The following SLC39A3 variants were observed in gnomAD, a reference collection of about 807,000 sequenced individuals.
SLC39A3 encodes the protein zinc transporter ZIP3.
SLC39A3 carries 3 observed loss-of-function variants against 5.1 expected under a neutral mutation model. That is an observed-to-expected ratio of 0.59 (90% confidence interval 0.27 to 1.54). SLC39A3 has a LOEUF of 1.54. SLC39A3 is among the 40% of genes most tolerant of loss of function. The pLI is 0.12. For missense variants in SLC39A3, 412 were observed against 436.4 expected, an observed-to-expected ratio of 0.94 and a Z score of 0.50; for synonymous variants, 250 against 218.8, an observed-to-expected ratio of 1.14 and a Z score of -1.26.
chr19:2,733,237 G>C lies in SLC39A3; in HGVS notation c.459C>G (p.His153Gln). The C allele has an allele frequency of 6.2e-7, 1 of 1,608,560 alleles. No homozygotes were observed. The change falls in exon 3 of 3, where the codon CAC (histidine) becomes CAG (glutamine). Residue 153 changes from histidine to glutamine, a missense_variant. Transcript: ENST00000269740. This position sits in a 1 kb window ranked among gnomAD's most constrained non-coding sequence, Gnocchi z 6.1. ...GGCCCTGCACGCTCAGGCTGGGGCC[G>C]TGGCCGTGGGGCTCCACGTACAGCG... is the stretch of plus-strand genomic sequence containing the variant. ...GHALYVEPHG[H>Q]GPSLSVQGLS...
In SLC39A3 at chr19:2,737,102, T is replaced by A. The variant is rs1914393948; in HGVS notation, c.156A>T (p.Gly52=). The A allele has an allele frequency of 6.2e-7, 1 of 1,614,066 alleles. No homozygotes were observed. Among genetic ancestry groups the A allele is most frequent in the African/African-American group, 1.3e-5 (1 of 75,004 alleles). The change falls in exon 2 of 3, where the codon GGA becomes GGT. Residue 52 remains glycine, a synonymous_variant. Coordinates refer to ENST00000269740, the MANE Select transcript of SLC39A3 (RefSeq NM_144564.5). ...TGAAGCACGTGGCCAGAAACACCCC[T>A]CCTCCAAAGGTGTTGCAGAGAGAGA... ...KILSLCNTFG[G]GVFLATCFNA...
chr19:2,734,922 G>A lies in SLC39A3; in HGVS notation c.211-1437C>T, dbSNP rs1914313278. On this transcript the variant is annotated intron_variant, in intron 2 of 2. Transcript: ENST00000269740. This position sits in a 1 kb window ranked among gnomAD's most constrained non-coding sequence, Gnocchi z 4.6. ...GAGATGAGGCAGATGCACGGGAGCT[G>A]TGAACCAGGCACCATTTTCCAGGGG... 1.0e-6 allele frequency: 1 copy of A among 985,532 alleles called. No homozygotes were observed. The highest frequency in any genetic ancestry group is 1.2e-6 in the Non-Finnish European group (1 of 829,994). The allele number at this position is 985,532 out of a possible 1,614,324, so 61.0% of individuals were successfully genotyped here.
chr19:2,733,448 T>A lies in SLC39A3; in HGVS notation c.248A>T (p.Asp83Val). ...KVLSLGHIST[D>V]YPLAETILLL... ...GAGGATGGTTTCGGCCAGCGGGTAG[T>A]CGGTGCTGATGTGGCCGAGGCTCAG... Residue 83 changes from aspartate to valine, a missense_variant, in exon 3 of 3, where the codon GAC becomes GTC. Asp to Val is a radical substitution (Grantham distance 152, BLOSUM62 -3). Transcript: ENST00000269740. This position sits in a 1 kb window ranked among gnomAD's most constrained non-coding sequence, Gnocchi z 6.1. 6.2e-7 allele frequency: 1 copy of A among 1,612,704 alleles called. No individual in the cohort carries two copies. The highest frequency in any genetic ancestry group is 1.1e-5 in the South Asian group (1 of 91,064).
rs1914275588 is a variant in SLC39A3, at chr19:2,733,932, C to G, written c.211-447G>C. ...CTCCAGCCTGGGCGACAGAGGGAGA[C>G]TCCGGCTCAAAATAAACACATAAAG... On this transcript the variant is annotated intron_variant, in intron 2 of 2. Coordinates refer to ENST00000269740, the MANE Select transcript of SLC39A3 (RefSeq NM_144564.5). This position sits in a 1 kb window ranked among gnomAD's most constrained non-coding sequence, Gnocchi z 6.1. Among the ~76,000 whole-genome samples the G allele has an allele frequency of 6.6e-6, 1 of 152,178 alleles. No individual in the cohort carries two copies. Among genetic ancestry groups the G allele is most frequent in the Non-Finnish European group, 1.5e-5 (1 of 68,028 alleles).
chr19:2,732,766 G>A lies in SLC39A3; in HGVS notation c.930C>T (p.Val310=), dbSNP rs920086293. The A allele has an allele frequency of 1.7e-5, 26 of 1,568,800 alleles. No homozygotes were observed. The highest frequency in any genetic ancestry group is 2.2e-5 in the Non-Finnish European group (25 of 1,155,260). ...VLGYTVLAGM[V]FLKW ...GCGAGGCCGCTCACCACTTGAGGAAGACCATCCCGGCCAGGACGGTGTAGC... is the reference window on the plus strand; with the variant it reads ...GCGAGGCCGCTCACCACTTGAGGAAAACCATCCCGGCCAGGACGGTGTAGC... The change falls in exon 3 of 3, where the codon GTC becomes GTT. Residue 310 remains valine (V), a synonymous_variant. Coordinates refer to ENST00000269740, the MANE Select transcript of SLC39A3 (RefSeq NM_144564.5).
rs768981337 is a variant in SLC39A3, at chr19:2,737,071, GAGCGTTGA to G, written c.179_186del (p.Phe60SerfsTer72). On this transcript the variant is annotated frameshift_variant, in exon 2 of 3. Coordinates refer to ENST00000269740, the MANE Select transcript of SLC39A3 (RefSeq NM_144564.5). LOFTEE classifies it low-confidence loss of function (END_TRUNC). ...ACCTTTTCCCTCACAGCGGGCAGCA[GAGCGTTGA>G]AGCACGTGGCCAGAAACACCCCTCC... is the stretch of plus-strand genomic sequence containing the variant. The G allele has an allele frequency of 6.2e-7, 1 of 1,614,178 alleles. No homozygotes were observed. Among genetic ancestry groups the G allele is most frequent in the African/African-American group, 1.3e-5 (1 of 75,038 alleles).
Position 2,734,161 on chromosome 19 carries a change from G to A in SLC39A3, c.211-676C>T, listed in dbSNP as rs568258752. 6.6e-6 allele frequency among the ~76,000 whole-genome samples: 1 copy of A among 152,358 alleles called. No homozygotes were observed. Among genetic ancestry groups the A allele is most frequent in the African/African-American group, 2.4e-5 (1 of 41,578 alleles). On this transcript the variant is annotated intron_variant, in intron 2 of 2. Coordinates refer to ENST00000269740, the MANE Select transcript of SLC39A3 (RefSeq NM_144564.5). This position sits in a 1 kb window ranked among gnomAD's most constrained non-coding sequence, Gnocchi z 4.6. ...TATGGGAGGGACAGCTGCTCACGGG[G>A]CGGACACGCAGGCATTAGGCTATGC... is the stretch of plus-strand genomic sequence containing the variant.
Position 2,737,048 on chromosome 19 carries a change from C to CT in SLC39A3, c.209dup (p.Leu71AlafsTer64). ...CTGCTAGTGCCCAGGGAGCCCTTACCTTTTCCCTCACAGCGGGCAGCAGAG... is the reference window on the plus strand; with the variant it reads ...CTGCTAGTGCCCAGGGAGCCCTTACCTTTTTCCCTCACAGCGGGCAGCAGAG... On this transcript the variant is annotated frameshift_variant and splice_region_variant, in exon 2 of 3. Coordinates refer to ENST00000269740, the MANE Select transcript of SLC39A3 (RefSeq NM_144564.5). LOFTEE classifies it low-confidence loss of function (END_TRUNC). 6 of 1,614,144 alleles carry CT rather than the reference C, an allele frequency of 3.7e-6. No homozygotes were observed. Among genetic ancestry groups the CT allele is most frequent in the Non-Finnish European group, 5.1e-6 (6 of 1,180,016 alleles).
In SLC39A3 at chr19:2,732,723, C is replaced by G. The variant is rs769190196; in HGVS notation, c.*28G>C. ...TCCGGCCCGGGGCTCCCGGCGGGCT[C>G]CGGCGGCAGGGACAATGGCGAGGCC... On this transcript the variant is annotated 3_prime_UTR_variant, in exon 3 of 3. Transcript: ENST00000269740. 4 of 1,513,704 alleles carry G rather than the reference C, an allele frequency of 2.6e-6. No homozygotes were observed. The Admixed American group carries it at 8.9e-5, about 34-fold the overall frequency. The allele number at this position is 1,513,704 out of a possible 1,614,324, so 93.8% of individuals were successfully genotyped here.
intron 1 of SLC39A3, chr19:2,739,447 T>G (rs995120030): frequency 6.6e-6 from 1 of 152,252 alleles, no homozygotes; most frequent in African/African-American, 2.4e-5. Flanking sequence ...CATTCAGGTC[T>G]TCGGGTCACT....
Position 2,735,758 on chromosome 19 carries a change from G to A in SLC39A3, c.210+1290C>T. 2.4e-6 allele frequency: 2 copies of A among 823,888 alleles called. No individual in the cohort carries two copies. Among genetic ancestry groups the A allele is most frequent in the Non-Finnish European group, 2.9e-6 (2 of 683,000 alleles). 51.0% of individuals were successfully genotyped at this position (823,888 alleles called of 1,614,324 possible). A position where few individuals can be genotyped will look rare whatever the true frequency, so the allele number is the denominator to read the frequency against. ...GTCCCAGCCCTACCCACACTCGAGG[G>A]GAGGGAAGAGCATGGGGCGTGCGGA... On this transcript the variant is annotated intron_variant, in intron 2 of 2. Transcript: ENST00000269740. This position sits in a 1 kb window ranked among gnomAD's most constrained non-coding sequence, Gnocchi z 5.7.
At chr19:2,736,053 C>T in intron 2 of SLC39A3, 1 of 985,534 alleles carries the variant, frequency 1.0e-6, no homozygotes, top group Non-Finnish European at 1.2e-6. Flanking sequence ...AAGCCACTCA[C>T]CCAGGGTCAC....
At position 2,738,109 on chromosome 19, in the gene SLC39A3, G is replaced by T. The variant is rs540951211; in HGVS notation, c.-122-730C>A. ...AGCTACTCTGGAGGCTGAGGCAAGA[G>T]AATCGCTTGAACCCAGGAGGCAGAG... On this transcript the variant is annotated intron_variant, in intron 1 of 2. Coordinates refer to ENST00000269740, the MANE Select transcript of SLC39A3 (RefSeq NM_144564.5). Among the ~76,000 whole-genome samples, 20 of 140,202 alleles carry T rather than the reference G, an allele frequency of 1.4e-4. No individual in the cohort carries two copies. In the East Asian group the frequency reaches 1.6e-3, roughly 11 times the overall value. 92.0% of individuals were successfully genotyped at this position (140,202 alleles called of 152,430 possible). A position where few individuals can be genotyped will look rare whatever the true frequency, so the allele number is the denominator to read the frequency against.
Position 2,733,563 on chromosome 19 carries a change from C to G in SLC39A3, c.211-78G>C, listed in dbSNP as rs1394779791. 1.4e-5 allele frequency: 21 copies of G among 1,507,270 alleles called. No homozygotes were observed. Among genetic ancestry groups the G allele is most frequent in the Middle Eastern group, 2.3e-4 (1 of 4,410 alleles). The allele number at this position is 1,507,270 out of a possible 1,614,324, so 93.4% of individuals were successfully genotyped here. ...GGCGACAGGGCTGGCCAGATGTCAC[C>G]GTTCAAAGCAAAGTCCAGAAATCCC... On this transcript the variant is annotated intron_variant, in intron 2 of 2. Transcript: ENST00000269740. This position sits in a 1 kb window ranked among gnomAD's most constrained non-coding sequence, Gnocchi z 6.1.
In SLC39A3 at chr19:2,737,040, G is replaced by T; in HGVS notation, c.210+8C>A. The T allele has an allele frequency of 6.2e-7, 1 of 1,614,072 alleles. No individual in the cohort carries two copies. Among genetic ancestry groups the T allele is most frequent in the Non-Finnish European group, 8.5e-7 (1 of 1,179,978 alleles). On this transcript the variant is annotated splice_region_variant and intron_variant, in intron 2 of 2. Coordinates refer to ENST00000269740, the MANE Select transcript of SLC39A3 (RefSeq NM_144564.5). Reference sequence around the variant, plus strand: ...AAGGGCTGCTGCTAGTGCCCAGGGAGCCCTTACCTTTTCCCTCACAGCGGG... The same window carrying T: ...AAGGGCTGCTGCTAGTGCCCAGGGATCCCTTACCTTTTCCCTCACAGCGGG...
chr19:2,735,857 C>T lies in SLC39A3; in HGVS notation c.210+1191G>A. The T allele has an allele frequency of 1.0e-6, 1 of 985,510 alleles. No individual in the cohort carries two copies. The highest frequency in any genetic ancestry group is 1.2e-6 in the Non-Finnish European group (1 of 830,022). The allele number at this position is 985,510 out of a possible 1,614,324, so 61.0% of individuals were successfully genotyped here. A position where few individuals can be genotyped will look rare whatever the true frequency, so the allele number is the denominator to read the frequency against. Reference sequence around the variant, plus strand: ...ACTAACAGGCTCAGATGATTTAATCCCAGACAACAGCCCTTCTCCTCCTTT... The same window carrying T: ...ACTAACAGGCTCAGATGATTTAATCTCAGACAACAGCCCTTCTCCTCCTTT... On this transcript the variant is annotated intron_variant, in intron 2 of 2. Transcript: ENST00000269740. This position sits in a 1 kb window ranked among gnomAD's most constrained non-coding sequence, Gnocchi z 5.7.
At position 2,739,980 on chromosome 19, in the gene SLC39A3, T is replaced by G. The variant is rs1381380609; in HGVS notation, c.-158A>C. On this transcript the variant is annotated 5_prime_UTR_variant, in exon 1 of 3. Transcript: ENST00000269740. ...CCCCTCGTCCGCCGACTGGCGCCGC[T>G]GCACGCCCAACGGCCGCGCAGTCTC... 1 of 152,178 alleles carries G rather than the reference T, an allele frequency of 6.6e-6. No homozygotes were observed. Among genetic ancestry groups the G allele is most frequent in the African/African-American group, 2.4e-5 (1 of 41,360 alleles). 9.4% of individuals were successfully genotyped at this position (152,178 alleles called of 1,614,324 possible).
chr19:2,738,167 C>T (rs1479728448), intron 1 of SLC39A3, among the ~76,000 whole-genome samples: 1 of 147,852 alleles, frequency 6.8e-6, no homozygotes, highest in Admixed American at 6.7e-5. Context: ...CCACCGCACT[C>T]CAGGCTGGGC....
chr19:2,733,244 T>C lies in SLC39A3; in HGVS notation c.452A>G (p.His151Arg). 3 of 1,609,612 alleles carry C rather than the reference T, an allele frequency of 1.9e-6. No homozygotes were observed. Among genetic ancestry groups the C allele is most frequent in the Non-Finnish European group, 2.5e-6 (3 of 1,178,000 alleles). ...ARGHALYVEP[H>R]GHGPSLSVQG... Reference sequence around the variant, plus strand: ...CACGCTCAGGCTGGGGCCGTGGCCGTGGGGCTCCACGTACAGCGCGTGGCC... The same window carrying C: ...CACGCTCAGGCTGGGGCCGTGGCCGCGGGGCTCCACGTACAGCGCGTGGCC... Residue 151 changes from histidine (H) to arginine (R), a missense_variant, in exon 3 of 3, where the codon CAC (histidine) becomes CGC (arginine). Physicochemically the swap from His to Arg is conservative, Grantham distance 29. Transcript: ENST00000269740. The surrounding 1 kb of genome is among the most constrained non-coding windows in gnomAD (Gnocchi z 6.1).
Sources: gnomAD v4.1 joint callset for allele counts (sites outside exome capture counted in the v4.1 genomes callset) on GRCh38, gnomAD v4.1.1 for gene constraint, Gnocchi (gnomAD v3.1) non-coding constraint, MANE v1.5 for transcripts, NCBI Gene and HGNC (gene_info 2026-07-23, HGNC 2026-07-21) for gene names.